The following EXOC4 variants were observed in gnomAD, a reference collection of about 807,000 sequenced individuals.
EXOC4 encodes the protein SEC8-like 1.
EXOC4 carries 71 observed loss-of-function variants against 107.2 expected under a neutral mutation model. That is an observed-to-expected ratio of 0.66 (90% confidence interval 0.55 to 0.81). The LOEUF (loss-of-function observed/expected upper bound fraction) is 0.81. Ranked by LOEUF, EXOC4 falls within the 30% of genes least tolerant of loss-of-function variation. The pLI is 0.00. For missense variants in EXOC4, 1,108 were observed against 1,189.6 expected (o/e 0.93, Z 1.01); for synonymous variants, 456 against 441.2 (o/e 1.03, Z -0.42).
At chr7:133,277,413 A>T (rs1455678873) in intron 2 of EXOC4, among the ~76,000 whole-genome samples, 1 of 152,198 alleles carries the variant, frequency 6.6e-6, no homozygotes, top group Non-Finnish European at 1.5e-5. Context: ...ACTTTGTCCT[A>T]ATCTCATGGG....
chr7:133,966,620 A>G (rs180831291), intron 14 of EXOC4, among the ~76,000 whole-genome samples: 56 of 152,268 alleles, frequency 3.7e-4, no homozygotes, highest in Middle Eastern at 3.4e-3. Context: ...TATGTGATGG[A>G]TTATGTTTAT....
chr7:134,004,096 T>G (rs1052524459), intron 15 of EXOC4, among the ~76,000 whole-genome samples: 3 of 152,176 alleles, frequency 2.0e-5, no homozygotes, highest in Admixed American at 6.5e-5. Flanking sequence ...GCTGTTCTCT[T>G]TTAGTCATTT....
At chr7:133,384,235 G>C (rs529566338) in intron 7 of EXOC4, among the ~76,000 whole-genome samples, 1 of 152,194 alleles carries the variant, frequency 6.6e-6, no homozygotes, top group Admixed American at 6.5e-5. Context: ...CTTGGCAGGG[G>C]ATACCCCAGA....
intron 10 of EXOC4, among the ~76,000 whole-genome samples, chr7:133,717,329 A>G (rs887050058): frequency 2.0e-5 from 3 of 152,204 alleles, no homozygotes; most frequent in Non-Finnish European, 4.4e-5. Context: ...TATTCATTTA[A>G]TAGCTAAAGA....
chr7:133,713,820 A>C (rs1357625980), intron 10 of EXOC4, among the ~76,000 whole-genome samples: 6 of 152,054 alleles, frequency 3.9e-5, no homozygotes, highest in African/African-American at 1.4e-4. Context: ...TTCTGCCGTG[A>C]CTGTAAGTTT....
At chr7:133,751,582 T>C (rs1271903520) in intron 10 of EXOC4, among the ~76,000 whole-genome samples, 4 of 152,188 alleles carry the variant, frequency 2.6e-5, no homozygotes, top group Non-Finnish European at 4.4e-5. Flanking sequence ...GTAGATGATG[T>C]AAGTGAGCAA....
chr7:133,842,505 C>T (rs1798043105), intron 11 of EXOC4, among the ~76,000 whole-genome samples: 1 of 152,120 alleles, frequency 6.6e-6, no homozygotes, highest in Non-Finnish European at 1.5e-5. Context: ...TTGATTATTG[C>T]TTGTAAATTT....
intron 11 of EXOC4, among the ~76,000 whole-genome samples, chr7:133,875,283 A>G (rs1293784543): frequency 6.6e-6 from 1 of 152,188 alleles, no homozygotes; most frequent in Non-Finnish European, 1.5e-5. Flanking sequence ...TCTGAGGAAG[A>G]AGGGTGTTAG....
chr7:133,847,103 A>T (rs1798142608), intron 11 of EXOC4, among the ~76,000 whole-genome samples: 1 of 152,192 alleles, frequency 6.6e-6, no homozygotes, highest in African/African-American at 2.4e-5. Context: ...TGATTAAGGT[A>T]GTTAGCATAC....
chr7:133,805,105 CTT>C (rs1383181448), intron 10 of EXOC4, among the ~76,000 whole-genome samples: 12 of 152,004 alleles, frequency 7.9e-5, no homozygotes, highest in African/African-American at 2.9e-4. Context: ...TCAGAAGGAA[CTT>C]AATTCTAAAA....
chr7:133,507,307 T>A (rs1339998585), intron 9 of EXOC4, among the ~76,000 whole-genome samples: 1 of 152,212 alleles, frequency 6.6e-6, no homozygotes, highest in Non-Finnish European at 1.5e-5. Flanking sequence ...TTCATTAAGT[T>A]TTTAAATTAA....
At chr7:133,279,553 C>G (rs1381934135) in intron 2 of EXOC4, among the ~76,000 whole-genome samples, 1 of 152,204 alleles carries the variant, frequency 6.6e-6, no homozygotes, top group South Asian at 2.1e-4. Context: ...GGGTCTCTCT[C>G]CATCACCCGG....
At chr7:133,312,156 T>C (rs1794887214) in intron 4 of EXOC4, among the ~76,000 whole-genome samples, 1 of 152,152 alleles carries the variant, frequency 6.6e-6, no homozygotes, top group Non-Finnish European at 1.5e-5. Context: ...TCAGCTTAAA[T>C]GTTCATCAAG....
Position 133,653,135 on chromosome 7 carries a change from G to A in EXOC4, c.1514+22994G>A, listed in dbSNP as rs558031558. Among the ~76,000 whole-genome samples, 226 of 152,270 alleles carry A rather than the reference G, an allele frequency of 1.5e-3. 1 individual carries two copies. Among genetic ancestry groups the A allele is most frequent in the Admixed American group, 3.3e-3 (51 of 15,296 alleles). On this transcript the variant is annotated intron_variant, in intron 10 of 17. Coordinates refer to ENST00000253861, the MANE Select transcript of EXOC4 (RefSeq NM_021807.4). Reference sequence around the variant, plus strand: ...TGCATCTGTAATAGAACAGTTGTATGTAATGTTTTTCTACATATTACATGG... The same window carrying A: ...TGCATCTGTAATAGAACAGTTGTATATAATGTTTTTCTACATATTACATGG...
intron 7 of EXOC4, 47 bp downstream of exon 7, chr7:133,375,049 T>A: frequency 6.6e-7 from 1 of 1,518,234 alleles, no homozygotes; most frequent in African/African-American, 1.4e-5. Context: ...GAGTAACAGT[T>A]TAGAATAACA....
chr7:133,421,856 A>G (rs912550132), intron 7 of EXOC4, among the ~76,000 whole-genome samples: 2 of 152,186 alleles, frequency 1.3e-5, no homozygotes, highest in African/African-American at 4.8e-5. Context: ...CATTCATTGA[A>G]TAGTCATTGA....
chr7:133,858,159 A>T (rs895610643), intron 11 of EXOC4, among the ~76,000 whole-genome samples: 2 of 152,144 alleles, frequency 1.3e-5, no homozygotes, highest in East Asian at 1.9e-4. Flanking sequence ...CGCACCCACC[A>T]TTCGGTGTGT....
At chr7:133,789,395 C>T (rs1439742105) in intron 10 of EXOC4, among the ~76,000 whole-genome samples, 1 of 152,152 alleles carries the variant, frequency 6.6e-6, no homozygotes, top group African/African-American at 2.4e-5. Context: ...CTCTCTCCTC[C>T]CCCAGGACCA....
In EXOC4 at chr7:133,744,773, A is replaced by G. The variant is rs185831122; in HGVS notation, c.1515-72552A>G. On this transcript the variant is annotated intron_variant, in intron 10 of 17. Transcript: ENST00000253861. ...TTGGTGACTTGGCTCTGTCATTTTT[A>G]TAAGACTGTACCGAGGCTCGCAGAA... 2.3e-4 allele frequency among the ~76,000 whole-genome samples: 35 copies of G among 152,268 alleles called. 1 individual carries two copies. Among genetic ancestry groups the G allele is most frequent in the Admixed American group, 1.8e-3 (27 of 15,264 alleles).
Sources: gnomAD v4.1 joint callset for allele counts (sites outside exome capture counted in the v4.1 genomes callset) on GRCh38, gnomAD v4.1.1 for gene constraint, MANE v1.5 for transcripts, NCBI Gene and HGNC (gene_info 2026-07-23, HGNC 2026-07-21) for gene names.